GLI3: variants seen among roughly 807,000 people sequenced by gnomAD.
GLI3 encodes the protein GLI family zinc finger 3, also known as transcription activator GLI3.
In GLI3, 20 loss-of-function variants were observed where a neutral mutation model predicts 100.8. That is an observed-to-expected ratio of 0.20 (90% CI 0.14 to 0.29). GLI3 has a LOEUF of 0.29. Among genes scored for constraint, GLI3 ranks in the 10% least tolerant of loss-of-function variants. GLI3 has a pLI of 1.00. For synonymous variants in GLI3, 938 were observed against 860.5 expected (o/e 1.09, Z -1.58); for missense variants, 2,040 against 2,128.5 (o/e 0.96, Z 0.82).
rs537008088 is a variant in GLI3, at chr7:41,992,838, T to C, written c.1498-14090A>G. Among the ~76,000 whole-genome samples, 22 of 152,230 alleles carry C rather than the reference T, an allele frequency of 1.4e-4. No homozygotes were observed. The South Asian group carries it at 4.4e-3, about 30-fold the overall frequency. On this transcript the variant is annotated intron_variant, in intron 10 of 14. Transcript: ENST00000395925. ...GCCAGCCCCAGTAAGTTTGGGGGGA[T>C]CAGACAGGAAAGACAGAAAATGTCT...
intron 3 of GLI3, among the ~76,000 whole-genome samples, chr7:42,111,756 G>T (rs748341366): frequency 6.6e-6 from 1 of 152,288 alleles, no homozygotes; most frequent in Middle Eastern, 3.4e-3. Flanking sequence ...TCCTCAGCTC[G>T]CTCTCTTTAG....
intron 3 of GLI3, among the ~76,000 whole-genome samples, chr7:42,082,438 C>T (rs930292729): frequency 6.6e-6 from 1 of 152,112 alleles, no homozygotes; most frequent in African/African-American, 2.4e-5. Flanking sequence ...GAGGACACCC[C>T]AGGTAACCTG....
rs548683152 is a variant in GLI3, at chr7:41,993,310, G to A, written c.1498-14562C>T. 3.9e-5 allele frequency among the ~76,000 whole-genome samples: 6 copies of A among 152,290 alleles called. No individual in the cohort carries two copies. In the East Asian group the frequency reaches 9.7e-4, roughly 25 times the overall value. ...TCCACAGCTGGAGACGTGTGGTCAC[G>A]TCTAGGATGGGGTCACTGAGCGAGG... is the stretch of plus-strand genomic sequence containing the variant. On this transcript the variant is annotated intron_variant, in intron 10 of 14. Transcript: ENST00000395925.
At chr7:42,179,238 T>C (rs1218940738) in intron 2 of GLI3, among the ~76,000 whole-genome samples, 1 of 152,194 alleles carries the variant, frequency 6.6e-6, no homozygotes, top group African/African-American at 2.4e-5. Context: ...CCACCATGAT[T>C]GTGAGGCAAC....
At chr7:42,039,936 C>T in intron 7 of GLI3, 102 bp downstream of exon 7, 1 of 890,506 alleles carries the variant, frequency 1.1e-6, no homozygotes. Flanking sequence ...CACTTTTATT[C>T]TTCCTCATAG....
At chr7:42,073,658 C>T (rs1259306709) in intron 4 of GLI3, among the ~76,000 whole-genome samples, 1 of 152,174 alleles carries the variant, frequency 6.6e-6, no homozygotes, top group Non-Finnish European at 1.5e-5. Context: ...GAAGCGCCTG[C>T]CCTTCTTCTA....
intron 10 of GLI3, among the ~76,000 whole-genome samples, chr7:41,999,050 T>G (rs143189249): frequency 6.6e-6 from 1 of 152,332 alleles, no homozygotes; most frequent in East Asian, 1.9e-4. Context: ...TTGCTTAGTA[T>G]GAAAAATGGA....
intron 4 of GLI3, among the ~76,000 whole-genome samples, chr7:42,063,706 G>A (rs1161861428): frequency 2.6e-5 from 4 of 152,132 alleles, no homozygotes; most frequent in Non-Finnish European, 5.9e-5. Flanking sequence ...CCTGCCATTC[G>A]TCAAATACCT....
At position 41,966,942 on chromosome 7, in the gene GLI3, A is replaced by C. The variant is rs529743717; in HGVS notation, c.2432-301T>G. 4.0e-5 allele frequency among the ~76,000 whole-genome samples: 6 copies of C among 151,882 alleles called. No individual in the cohort carries two copies. The South Asian group carries it at 1.0e-3, about 26-fold the overall frequency. ...GCCTGGCTTAAACAAAACAATAACA[A>C]CTCCCTCGATTCACTGAAGCCCCTC... On this transcript the variant is annotated intron_variant, in intron 14 of 14. Transcript: ENST00000395925. The surrounding 1 kb of genome is among the most constrained non-coding windows in gnomAD (Gnocchi z 5.8).
intron 6 of GLI3, 82 bp from the exon 7 acceptor site, chr7:42,040,321 G>T: frequency 9.6e-7 from 1 of 1,042,574 alleles, no homozygotes; most frequent in Non-Finnish European, 1.5e-6. Flanking sequence ...CTACGTGGAA[G>T]AAGTGAAGGA....
intron 10 of GLI3, among the ~76,000 whole-genome samples, chr7:41,994,999 A>T (rs969993027): frequency 2.0e-5 from 3 of 152,274 alleles, no homozygotes; most frequent in African/African-American, 7.2e-5. Flanking sequence ...TGGGGAATAA[A>T]TAATGAATGC....
At chr7:42,218,854 G>T (rs991958345) in intron 2 of GLI3, among the ~76,000 whole-genome samples, 1 of 152,086 alleles carries the variant, frequency 6.6e-6, no homozygotes, top group Non-Finnish European at 1.5e-5. Context: ...CTTTTTTAAA[G>T]CCGAGTTGCA....
At chr7:42,073,606 T>C (rs967107884) in intron 4 of GLI3, among the ~76,000 whole-genome samples, 2 of 152,186 alleles carry the variant, frequency 1.3e-5, no homozygotes, top group African/African-American at 4.8e-5. Context: ...TAAACCTCTT[T>C]CAATAGAATC....
chr7:41,981,173 C>A (rs773439273), intron 10 of GLI3, among the ~76,000 whole-genome samples: 5 of 152,132 alleles, frequency 3.3e-5, no homozygotes, highest in Non-Finnish European at 7.4e-5. Flanking sequence ...TGAGGAACAG[C>A]GTGAGGGCCA....
At chr7:42,246,123 T>A (rs1788968669) in intron 1 of GLI3, among the ~76,000 whole-genome samples, 2 of 152,152 alleles carry the variant, frequency 1.3e-5, no homozygotes, top group Non-Finnish European at 1.5e-5. Context: ...CACTCTCAGC[T>A]CCTCCCTTAC....
At chr7:42,210,041 C>G (rs964443323) in intron 2 of GLI3, among the ~76,000 whole-genome samples, 1 of 141,970 alleles carries the variant, frequency 7.0e-6, no homozygotes, top group Admixed American at 7.3e-5. Flanking sequence ...CCATAAAGTG[C>G]CATGTAAAAT....
intron 1 of GLI3, among the ~76,000 whole-genome samples, chr7:42,248,937 T>C (rs57277126): frequency 0.02 from 2,985 of 152,136 alleles, 117 homozygotes; most frequent in African/African-American, 0.068. Context: ...AGATGGATTT[T>C]CACCATGTTG....
At chr7:42,106,697 C>G (rs971080073) in intron 3 of GLI3, among the ~76,000 whole-genome samples, 2 of 152,218 alleles carry the variant, frequency 1.3e-5, no homozygotes, top group South Asian at 4.1e-4. Flanking sequence ...TACTCATTTT[C>G]AAAGAATGTC....
At chr7:42,143,980 G>C (rs1409319922) in intron 3 of GLI3, among the ~76,000 whole-genome samples, 1 of 152,108 alleles carries the variant, frequency 6.6e-6, no homozygotes, top group Non-Finnish European at 1.5e-5. Flanking sequence ...GAGAAACTTT[G>C]CACAAAGATC....
Sources: gnomAD v4.1 joint callset for allele counts (sites outside exome capture counted in the v4.1 genomes callset) on GRCh38, gnomAD v4.1.1 for gene constraint, Gnocchi (gnomAD v3.1) non-coding constraint, MANE v1.5 for transcripts, NCBI Gene and HGNC (gene_info 2026-07-23, HGNC 2026-07-21) for gene names.